ANXA2: variants seen among roughly 807,000 people sequenced by gnomAD.
ANXA2 encodes annexin A2, also known as annexin II.
A neutral mutation model predicts 47.3 loss-of-function variants in ANXA2; 28 were observed. The observed-to-expected ratio is 0.59, with a 90% CI of 0.44 to 0.81. The LOEUF (loss-of-function observed/expected upper bound fraction) is 0.81, where lower values mean the gene tolerates loss of function less well. Ranked by LOEUF, ANXA2 falls within the 40% of genes least tolerant of loss-of-function variation. The probability of loss-of-function intolerance (pLI) is 0.00; values close to 1 mark genes in which losing one functional copy is unlikely to be tolerated. For missense variants in ANXA2, 384 were observed against 414.3 expected, an observed-to-expected ratio of 0.93 and a Z score of 0.64; for synonymous variants, 172 against 155.5, an observed-to-expected ratio of 1.11 and a Z score of -0.79.
At chr15:60,361,300 T>A in intron 4 of ANXA2, 1 of 456,250 alleles carries the variant, frequency 2.2e-6, no homozygotes, top group Non-Finnish European at 4.0e-6. Flanking sequence ...CCCCGGTCAA[T>A]AAAAGGAAAC....
At position 60,354,201 on chromosome 15, in the gene ANXA2, C is replaced by G. The variant is rs968804323; in HGVS notation, c.541G>C (p.Glu181Gln). The G allele has an allele frequency of 6.2e-7, 1 of 1,613,598 alleles. No homozygotes were observed. Among genetic ancestry groups the G allele is most frequent in the African/African-American group, 1.3e-5 (1 of 75,030 alleles). Reference sequence around the variant, plus strand: ...TCATAATCAATGACAGAGCCATCCTCTGCTCTTCTACCCTATGGGGGAAAG... The same window carrying G: ...TCATAATCAATGACAGAGCCATCCTGTGCTCTTCTACCCTATGGGGGAAAG... ...MVALAKGRRA[E>Q]DGSVIDYELI... Residue 181 changes from glutamate (E) to glutamine (Q), a missense_variant, in exon 8 of 13, where the codon GAG becomes CAG. Glu to Gln is a conservative substitution (Grantham distance 29). Transcript: ENST00000451270.
intron 10 of ANXA2, chr15:60,351,519 T>C (rs1479941731): frequency 1.6e-6 from 1 of 619,468 alleles, no homozygotes; most frequent in Non-Finnish European, 2.9e-6. Context: ...CCTGTTCTCT[T>C]ACTCCTCCCT....
chr15:60,357,001 C>G (rs2062440517), intron 6 of ANXA2, 145 bp downstream of exon 6: 1 of 631,476 alleles, frequency 1.6e-6, no homozygotes, highest in Non-Finnish European at 2.8e-6. Context: ...TGGACCACAG[C>G]CAACCTTGCC....
Position 60,360,991 on chromosome 15 carries a change from A to G in ANXA2, c.307T>C (p.Leu103=), listed in dbSNP as rs576421586. ...GHLETVILGL[L]KTPAQYDASE... ...GCGTCATACTGAGCAGGTGTCTTCA[A>G]TAGGCCCAAAATCACCGTCTCCAGG... The change falls in exon 5 of 13, where the codon TTG becomes CTG. Residue 103 remains leucine, a synonymous_variant. Coordinates refer to ENST00000451270, the MANE Select transcript of ANXA2 (RefSeq NM_004039.3). 1.2e-4 allele frequency: 195 copies of G among 1,614,098 alleles called. 2 individuals carry two copies. The Middle Eastern group carries it at 1.8e-3, about 15-fold the overall frequency.
Position 60,369,298 on chromosome 15 carries a change from G to A in ANXA2, c.149-4775C>T, listed in dbSNP as rs368746837. 2.6e-4 allele frequency among the ~76,000 whole-genome samples: 39 copies of A among 152,312 alleles called. No homozygotes were observed. In the East Asian group the frequency reaches 6.2e-3, roughly 24 times the overall value. The stretch of plus-strand genomic sequence containing the variant: ...CCCACACATGCGTGTTCGCTTGCTC[G>A]TTTGCTCCCTTGCTCTGTCTCTCAA... On this transcript the variant is annotated intron_variant, in intron 3 of 12. Coordinates refer to ENST00000451270, the MANE Select transcript of ANXA2 (RefSeq NM_004039.3).
chr15:60,382,021 T>TGGAAGGGAGGGAGGAAAGGAA (rs2062867317), intron 3 of ANXA2, among the ~76,000 whole-genome samples: 5 of 77,748 alleles, frequency 6.4e-5, no homozygotes, highest in Non-Finnish European at 9.4e-5. Context: ...GAGGAAAGAA[T>TGGAAGGGAGGGAGGAAAGGAA]GGAAGGGAGG....
chr15:60,388,541 G>A (rs1001333934), intron 1 of ANXA2, among the ~76,000 whole-genome samples: 2 of 150,696 alleles, frequency 1.3e-5, no homozygotes, highest in Non-Finnish European at 3.0e-5. Context: ...ACTATGATAT[G>A]TTGAATATAT....
At chr15:60,349,646 A>G (rs1421429839) in intron 11 of ANXA2, among the ~76,000 whole-genome samples, 6 of 151,992 alleles carry the variant, frequency 3.9e-5, no homozygotes, top group Admixed American at 6.6e-5. Context: ...AATCACCACG[A>G]AAGAACTTAT....
At chr15:60,374,010 G>A (rs1025951832) in intron 3 of ANXA2, among the ~76,000 whole-genome samples, 1 of 152,210 alleles carries the variant, frequency 6.6e-6, no homozygotes, top group South Asian at 2.1e-4. Context: ...AGGCAGGGGA[G>A]TTGGGTGCCT....
chr15:60,380,874 A>T (rs2062848989), intron 3 of ANXA2, among the ~76,000 whole-genome samples: 1 of 150,802 alleles, frequency 6.6e-6, no homozygotes, highest in Admixed American at 6.6e-5. Context: ...TTCTGCCCTC[A>T]GCTGTGCAGA....
At position 60,349,867 on chromosome 15, in the gene ANXA2, C is replaced by G. The variant is rs146974819; in HGVS notation, c.838-670G>C. 6.6e-3 allele frequency among the ~76,000 whole-genome samples: 430 copies of G among 64,860 alleles called. 2 individuals are homozygous for G. The highest frequency in any genetic ancestry group is 0.015 in the African/African-American group (256 of 16,724). 42.6% of individuals were successfully genotyped at this position (64,860 alleles called of 152,430 possible). ...AGGGAGGGAGGTGAAGGCAGGGAGG[C>G]AGGGGAAGGCAAGGAGGCAGGAGAA... On this transcript the variant is annotated intron_variant, in intron 11 of 12. Coordinates refer to ENST00000451270, the MANE Select transcript of ANXA2 (RefSeq NM_004039.3).
At chr15:60,366,614 C>T (rs1178726515) in intron 3 of ANXA2, among the ~76,000 whole-genome samples, 1 of 149,070 alleles carries the variant, frequency 6.7e-6, no homozygotes, top group African/African-American at 2.5e-5. Flanking sequence ...GTCCGGCAAC[C>T]ACCCCGTCTG....
rs750696902 is a variant in ANXA2, at chr15:60,349,047, G to A, written c.960+28C>T. ...GGCCCGGGGTGCTCTGGACGGCAGG[G>A]CAGGCTGACACTGCACCTCGGGCTT... On this transcript the variant is annotated intron_variant, in intron 12 of 12. Coordinates refer to ENST00000451270, the MANE Select transcript of ANXA2 (RefSeq NM_004039.3). 3 of 1,613,296 alleles carry A rather than the reference G, an allele frequency of 1.9e-6. No homozygotes were observed. In the South Asian group the frequency reaches 3.3e-5, roughly 18 times the overall value.
At chr15:60,359,396 C>G (rs1210417894) in intron 5 of ANXA2, among the ~76,000 whole-genome samples, 1 of 152,136 alleles carries the variant, frequency 6.6e-6, no homozygotes, top group Non-Finnish European at 1.5e-5. Context: ...CTGACTCATC[C>G]CTGCCTCCAA....
At chr15:60,354,443 C>A (rs2062394364) in intron 7 of ANXA2, among the ~76,000 whole-genome samples, 1 of 152,002 alleles carries the variant, frequency 6.6e-6, no homozygotes, top group East Asian at 1.9e-4. Flanking sequence ...AGATGGAGAC[C>A]AACCTGGCTA....
rs529025931 is a variant in ANXA2 at position 60,347,556 on chromosome 15, C to A, written c.*74G>T. On this transcript the variant is annotated 3_prime_UTR_variant, in exon 13 of 13. Coordinates refer to ENST00000451270, the MANE Select transcript of ANXA2 (RefSeq NM_004039.3). ...GGATGGCCACGGGGACTGTTATTCG[C>A]AAGCTGGTTTTCTAGACCTGTTAGC... The A allele has an allele frequency of 6.7e-7, 1 of 1,495,214 alleles. No individual in the cohort carries two copies. Among genetic ancestry groups the A allele is most frequent in the African/African-American group, 1.4e-5 (1 of 72,516 alleles). The allele number at this position is 1,495,214 out of a possible 1,614,324, so 92.6% of individuals were successfully genotyped here. A position where few individuals can be genotyped will look rare whatever the true frequency, so the allele number is the denominator to read the frequency against.
chr15:60,392,509 C>T (rs1378285600), intron 1 of ANXA2, among the ~76,000 whole-genome samples: 2 of 56,108 alleles, frequency 3.6e-5, no homozygotes, highest in African/African-American at 9.1e-5. Context: ...TAACTTTACT[C>T]CCAAAAAGAA....
chr15:60,357,040 C>T, intron 6 of ANXA2, 106 bp downstream of exon 6: 1 of 993,834 alleles, frequency 1.0e-6, no homozygotes, highest in Non-Finnish European at 1.6e-6. Context: ...GGCACTTCTG[C>T]ACATCACTAA....
At position 60,357,275 on chromosome 15, in the gene ANXA2, T is replaced by C; in HGVS notation, c.358-39A>G. The C allele has an allele frequency of 2.0e-6, 3 of 1,536,528 alleles. No individual in the cohort carries two copies. In the East Asian group the frequency reaches 6.7e-5, roughly 35 times the overall value. Reference sequence around the variant, plus strand: ...AGCACGAACATCAGCAGGGAAATGCTTCCCCACCATTAGCCTACTTCTCTG... The same window carrying C: ...AGCACGAACATCAGCAGGGAAATGCCTCCCCACCATTAGCCTACTTCTCTG... On this transcript the variant is annotated intron_variant, in intron 5 of 12. Coordinates refer to ENST00000451270, the MANE Select transcript of ANXA2 (RefSeq NM_004039.3).
Sources: allele counts gnomAD v4.1 joint callset (sites outside exome capture counted in the v4.1 genomes callset), GRCh38; gene constraint gnomAD v4.1.1; transcripts MANE v1.5; gene names NCBI Gene and HGNC (gene_info 2026-07-23, HGNC 2026-07-21).